Variants in SRP68 observed in about 807,000 individuals in gnomAD.
SRP68 encodes signal recognition particle subunit SRP68.
A neutral mutation model predicts 82.2 loss-of-function variants in SRP68; 15 were observed. The ratio of observed to expected loss-of-function variants is 0.18; its 90% CI spans 0.12 to 0.28. The LOEUF is 0.28. SRP68 is among the 10% of genes least tolerant of loss of function. The pLI, the probability that SRP68 is intolerant of heterozygous loss-of-function variation, is 1.00. For synonymous variants in SRP68, 261 were observed against 292.6 expected (o/e 0.89, Z 1.10); for missense variants, 595 against 780.5 (o/e 0.76, Z 2.83).
chr17:76,070,956 C>A (rs1285238428), intron 1 of SRP68, among the ~76,000 whole-genome samples: 1 of 152,060 alleles, frequency 6.6e-6, no homozygotes, highest in East Asian at 1.9e-4. Flanking sequence ...CAGGACAGGG[C>A]TAACCTACAG....
Position 76,046,022 on chromosome 17 carries a change from G to A in SRP68, c.1299+16C>T, listed in dbSNP as rs375028198. The A allele has an allele frequency of 1.7e-5, 27 of 1,613,344 alleles. No individual in the cohort carries two copies. The highest frequency in any genetic ancestry group is 2.2e-5 in the East Asian group (1 of 44,870). On this transcript the variant is annotated intron_variant, in intron 11 of 15. Coordinates refer to ENST00000307877, the MANE Select transcript of SRP68 (RefSeq NM_014230.4). ...GAAAACCACAGGCCCTTGCCTTCCCGGTCCTCAAGGGTCACCTGTAAGATG... is the reference window on the plus strand; with the variant it reads ...GAAAACCACAGGCCCTTGCCTTCCCAGTCCTCAAGGGTCACCTGTAAGATG...
intron 4 of SRP68, among the ~76,000 whole-genome samples, chr17:76,062,969 A>G (rs888902678): frequency 4.7e-5 from 7 of 150,240 alleles, no homozygotes; most frequent in Non-Finnish European, 4.4e-5. Context: ...ATGGGGTTTC[A>G]CCGTGTTAGC....
rs1438063106 is a variant in SRP68 at position 76,072,227 on chromosome 17, G to A, written c.184+81C>T. On this transcript the variant is annotated intron_variant, in intron 1 of 15. Coordinates refer to ENST00000307877, the MANE Select transcript of SRP68 (RefSeq NM_014230.4). This position sits in a 1 kb window ranked among gnomAD's most constrained non-coding sequence, Gnocchi z 4.5. Reference sequence around the variant, plus strand: ...TCGGCCTCTCCTGCCAGGACTTGTCGGGACCCGCCGCCTCTCCCGCCCCCA... The same window carrying A: ...TCGGCCTCTCCTGCCAGGACTTGTCAGGACCCGCCGCCTCTCCCGCCCCCA... 6.3e-7 allele frequency: 1 copy of A among 1,595,234 alleles called. No individual in the cohort carries two copies. The highest frequency in any genetic ancestry group is 8.5e-7 in the Non-Finnish European group (1 of 1,175,188).
chr17:76,050,505 C>A lies in SRP68; in HGVS notation c.1000G>T (p.Glu334Ter). ...IVQAESEETKERLFESMLSEC... is the reference protein window; with the variant it reads ...IVQAESEETK ...CTGAGCATTGATTCAAACAGGCGCT[C>A]CTTAGTTTCTTCGCTTTCAGCCTAA... is the stretch of plus-strand genomic sequence containing the variant. The change falls in exon 9 of 16, where the codon GAG (glutamate) becomes TAG (stop). Residue 334 changes from glutamate (E) to a stop codon, truncating the protein, a stop_gained. Transcript: ENST00000307877. LOFTEE classifies it high-confidence loss of function. 1.2e-6 allele frequency: 2 copies of A among 1,613,514 alleles called. No homozygotes were observed. The highest frequency in any genetic ancestry group is 1.7e-6 in the Non-Finnish European group (2 of 1,179,788).
rs55651914 is a variant in SRP68, at chr17:76,062,615, A to T, written c.562-1041T>A. ...TATAATATACATTATATATTATATA[A>T]TATATAATATACATTATATATTATA... is the stretch of plus-strand genomic sequence containing the variant. On this transcript the variant is annotated intron_variant, in intron 4 of 15. Coordinates refer to ENST00000307877, the MANE Select transcript of SRP68 (RefSeq NM_014230.4). Among the ~76,000 whole-genome samples the T allele has an allele frequency of 9.6e-3, 399 of 41,506 alleles. 12 individuals are homozygous for T. Among genetic ancestry groups the T allele is most frequent in the Non-Finnish European group, 0.012 (309 of 24,962 alleles). 27.2% of individuals were successfully genotyped at this position (41,506 alleles called of 152,430 possible). A position where few individuals can be genotyped will look rare whatever the true frequency, so the allele number is the denominator to read the frequency against.
intron 6 of SRP68, chr17:76,060,877 C>T (rs1026031314): frequency 2.2e-5 from 11 of 497,022 alleles, no homozygotes; most frequent in Non-Finnish European, 3.9e-5. Context: ...CAAGACTGCT[C>T]TTCGGGGGTA....
chr17:76,066,075 T>C (rs959947849), intron 3 of SRP68, among the ~76,000 whole-genome samples: 1 of 152,050 alleles, frequency 6.6e-6, no homozygotes, highest in African/African-American at 2.4e-5. Context: ...CTTGACTACA[T>C]GTTGCCTGAC....
At position 76,057,553 on chromosome 17, in the gene SRP68, A is replaced by G. The variant is rs1309542062; in HGVS notation, c.838-10T>C. 42 of 1,613,864 alleles carry G rather than the reference A, an allele frequency of 2.6e-5. No homozygotes were observed. The highest frequency in any genetic ancestry group is 3.2e-5 in the Non-Finnish European group (38 of 1,179,900). ...TCTGAGTGATCAAAGCCTGAAAAAT[A>G]GTTTAAAAAAGTTAAAGCTTTAACT... On this transcript the variant is annotated splice_polypyrimidine_tract_variant and intron_variant, in intron 7 of 15. Coordinates refer to ENST00000307877, the MANE Select transcript of SRP68 (RefSeq NM_014230.4).
intron 9 of SRP68, chr17:76,049,759 G>C (rs976443467): frequency 6.6e-5 from 10 of 152,290 alleles, no homozygotes; most frequent in African/African-American, 2.4e-4. Flanking sequence ...ATAAATAAAT[G>C]CATCAGTGGT....
intron 8 of SRP68, among the ~76,000 whole-genome samples, chr17:76,055,214 G>C (rs1379906293): frequency 1.3e-5 from 2 of 152,036 alleles, no homozygotes. Context: ...TAATCCGCCA[G>C]CCTTGGCCTC....
chr17:76,051,896 TTATC>T (rs981193119), intron 8 of SRP68, among the ~76,000 whole-genome samples: 1 of 152,172 alleles, frequency 6.6e-6, no homozygotes, highest in African/African-American at 2.4e-5. Flanking sequence ...TTTTATTAAT[TTATC>T]TATCTTTTTA....
intron 8 of SRP68, among the ~76,000 whole-genome samples, chr17:76,055,807 CTTTTTTTTTT>C (rs1032113845): frequency 1.9e-5 from 2 of 106,568 alleles, no homozygotes; most frequent in Admixed American, 1.1e-4. Context: ...TTTTTTTCTT[CTTTTTTTTTT>C]TTTTTTTTTG....
At chr17:76,050,576 G>A (rs1405916201) in intron 8 of SRP68, 50 bp from the exon 9 acceptor site, 3 of 1,454,088 alleles carry the variant, frequency 2.1e-6, no homozygotes, top group Non-Finnish European at 2.9e-6. Context: ...GCAAACCATA[G>A]TCACCTAATG....
At chr17:76,050,402 A>G (rs1384395543) in intron 9 of SRP68, 26 bp downstream of exon 9, 2 of 1,569,196 alleles carry the variant, frequency 1.3e-6, no homozygotes, top group Admixed American at 1.7e-5. Context: ...CCAGAGCAAG[A>G]ACCAGGGCTC....
chr17:76,057,026 A>G (rs1296810095), intron 8 of SRP68, among the ~76,000 whole-genome samples: 3 of 152,244 alleles, frequency 2.0e-5, no homozygotes, highest in Non-Finnish European at 4.4e-5. Flanking sequence ...CCCAGGACTA[A>G]GAGGTGAACC....
intron 1 of SRP68, among the ~76,000 whole-genome samples, chr17:76,070,677 C>T (rs960948995): frequency 6.6e-6 from 1 of 152,058 alleles, no homozygotes; most frequent in African/African-American, 2.4e-5. Context: ...CCCGTCTCTA[C>T]TAAAAACACA....
intron 7 of SRP68, among the ~76,000 whole-genome samples, chr17:76,057,829 C>T (rs2066723179): frequency 6.6e-6 from 1 of 152,114 alleles, no homozygotes; most frequent in Non-Finnish European, 1.5e-5. Flanking sequence ...CACATGCCAC[C>T]ATGCCCGACT....
rs1202395010 is a variant in SRP68 at position 76,070,385 on chromosome 17, T to C, written c.244A>G (p.Arg82Gly). 6 of 1,613,650 alleles carry C rather than the reference T, an allele frequency of 3.7e-6. No individual in the cohort carries two copies. Among genetic ancestry groups the C allele is most frequent in the Non-Finnish European group, 4.2e-6 (5 of 1,179,718 alleles). The change falls in exon 2 of 16, where the codon AGG becomes GGG. Residue 82 changes from arginine to glycine, a missense_variant. Coordinates refer to ENST00000307877, the MANE Select transcript of SRP68 (RefSeq NM_014230.4). ...CTTGTATGTGATACTAACCTGTACC[T>C]CTGAAAATCTCCATGCCGTAAACCA... ...QHGLRHGDFQ[R>G]YRGYCSRRQR...
chr17:76,046,463 T>TG (rs1177708547), intron 10 of SRP68, among the ~76,000 whole-genome samples: 7 of 54,222 alleles, frequency 1.3e-4, no homozygotes, highest in African/African-American at 4.1e-4. Flanking sequence ...AACCACACAG[T>TG]GGAAAAAAAA....
Sources: allele counts gnomAD v4.1 joint callset (sites outside exome capture counted in the v4.1 genomes callset), GRCh38; gene constraint gnomAD v4.1.1; non-coding constraint Gnocchi (gnomAD v3.1); transcripts MANE v1.5; gene names NCBI Gene and HGNC (gene_info 2026-07-23, HGNC 2026-07-21).